SGCD: variants seen among roughly 807,000 people sequenced by gnomAD.
SGCD encodes the protein delta-sarcoglycan.
SGCD carries 18 observed loss-of-function variants against 36.6 expected under a neutral mutation model. The ratio of observed to expected loss-of-function variants is 0.49; its 90% CI spans 0.34 to 0.73. The LOEUF is 0.73. SGCD is among the 30% of genes least tolerant of loss of function. SGCD has a pLI of 0.01. For synonymous variants in SGCD, 133 were observed against 130.6 expected (o/e 1.02, Z -0.12); for missense variants, 387 against 346.7 (o/e 1.12, Z -0.92).
the SGCD span, among the ~76,000 whole-genome samples, chr5:155,778,471 T>TC: frequency 2.0e-5 from 3 of 152,078 alleles, no homozygotes; most frequent in Non-Finnish European, 2.9e-5. Flanking sequence ...GCCACTTTTG[T>TC]CCCCCCATAC....
intron 1 of SGCD, among the ~76,000 whole-genome samples, chr5:156,028,625 A>C (rs891990733): frequency 4.6e-5 from 7 of 152,164 alleles, no homozygotes; most frequent in Admixed American, 2.0e-4. Context: ...AGTGAGTTCT[A>C]TCAGTCAGAA....
At chr5:155,786,132 G>T in the SGCD span, among the ~76,000 whole-genome samples, 25 of 152,280 alleles carry the variant, frequency 1.6e-4, no homozygotes, top group Admixed American at 1.5e-3. Context: ...ACAAAATTCA[G>T]TGCTCCATTT....
chr5:156,553,745 A>G (rs988882266), intron 4 of SGCD, among the ~76,000 whole-genome samples: 2 of 152,126 alleles, frequency 1.3e-5, no homozygotes, highest in Non-Finnish European at 2.9e-5. Flanking sequence ...TTCCCTTAGC[A>G]TAAGGTCTTC....
chr5:155,973,587 ATTTACCT>A (rs1758048171), intron 1 of SGCD, among the ~76,000 whole-genome samples: 1 of 152,192 alleles, frequency 6.6e-6, no homozygotes, highest in Admixed American at 6.5e-5. Context: ...GTGTTTGGCC[ATTTACCT>A]AAGTCTGCAA....
chr5:155,815,086 A>T, the SGCD span, among the ~76,000 whole-genome samples: 2 of 151,996 alleles, frequency 1.3e-5, no homozygotes, highest in African/African-American at 4.8e-5. Context: ...CTTGCTGTAA[A>T]TTGTTTCTCT....
chr5:156,447,482 A>G (rs1753797094), intron 3 of SGCD, among the ~76,000 whole-genome samples: 1 of 152,088 alleles, frequency 6.6e-6, no homozygotes, highest in African/African-American at 2.4e-5. Flanking sequence ...TCTTTCTCCT[A>G]TAATCTTGGT....
At chr5:156,155,066 G>A (rs1012973087) in intron 3 of SGCD, among the ~76,000 whole-genome samples, 1 of 151,674 alleles carries the variant, frequency 6.6e-6, no homozygotes, top group African/African-American at 2.4e-5. Context: ...ATGAGAACAT[G>A]CGACAATAAT....
At chr5:156,498,935 C>CCTGTAT (rs149269957) in intron 3 of SGCD, among the ~76,000 whole-genome samples, 1 of 149,350 alleles carries the variant, frequency 6.7e-6, no homozygotes, top group African/African-American at 2.5e-5. Context: ...ATGTGTGCTA[C>CCTGTAT]GTGTGTGTGT....
At chr5:156,524,186 A>C (rs1237425599) in intron 4 of SGCD, among the ~76,000 whole-genome samples, 1 of 87,438 alleles carries the variant, frequency 1.1e-5, no homozygotes, top group East Asian at 2.8e-4. Context: ...AGGTCTTACT[A>C]TATATATATA....
chr5:155,790,826 C>T, the SGCD span, among the ~76,000 whole-genome samples: 9 of 152,240 alleles, frequency 5.9e-5, no homozygotes, highest in Admixed American at 5.2e-4. Context: ...TTATAGTACT[C>T]TAAGTAGTAT....
At chr5:156,709,829 C>A (rs1051726920) in intron 7 of SGCD, among the ~76,000 whole-genome samples, 5 of 24,816 alleles carry the variant, frequency 2.0e-4, no homozygotes, top group Non-Finnish European at 3.2e-4. Context: ...TTCCTGCCGC[C>A]CCCTCCCCCC....
intron 6 of SGCD, among the ~76,000 whole-genome samples, chr5:156,603,531 C>T (rs1018269101): frequency 6.6e-6 from 1 of 151,956 alleles, no homozygotes; most frequent in Non-Finnish European, 1.5e-5. Context: ...AATCATTTTA[C>T]TTTTTCGATA....
chr5:156,623,615 G>A (rs1762336632), intron 6 of SGCD, among the ~76,000 whole-genome samples: 2 of 152,190 alleles, frequency 1.3e-5, no homozygotes, highest in Non-Finnish European at 1.5e-5. Context: ...GTTGCTTGAT[G>A]TGAGCTGATC....
the SGCD span, among the ~76,000 whole-genome samples, chr5:155,751,811 G>A: frequency 1.4e-4 from 22 of 151,860 alleles, no homozygotes; most frequent in African/African-American, 5.1e-4. Flanking sequence ...CTCATGTGGT[G>A]CCATTTTTAA....
At chr5:156,151,197 C>T (rs552169905) in intron 3 of SGCD, among the ~76,000 whole-genome samples, 1 of 151,626 alleles carries the variant, frequency 6.6e-6, no homozygotes, top group African/African-American at 2.4e-5. Context: ...TCTTTCCTAT[C>T]TCCATTCTTT....
At chr5:155,938,714 C>A (rs966862430) in intron 1 of SGCD, among the ~76,000 whole-genome samples, 2 of 152,192 alleles carry the variant, frequency 1.3e-5, no homozygotes, top group Non-Finnish European at 2.9e-5. Context: ...AATAGTTTTT[C>A]ATCCCCTGTG....
chr5:156,433,704 G>T (rs1408590177), intron 3 of SGCD, among the ~76,000 whole-genome samples: 2 of 152,088 alleles, frequency 1.3e-5, no homozygotes, highest in Non-Finnish European at 2.9e-5. Flanking sequence ...CTTTTATCAG[G>T]GCAGAAAGCT....
intron 3 of SGCD, among the ~76,000 whole-genome samples, chr5:156,383,262 G>GGGA (rs1771080987): frequency 6.6e-6 from 1 of 152,130 alleles, no homozygotes; most frequent in Non-Finnish European, 1.5e-5. Context: ...CCAGCACTTT[G>GGGA]GGAGGCCGAG....
chr5:156,471,950 A>G (rs1205569567), intron 3 of SGCD, among the ~76,000 whole-genome samples: 1 of 148,994 alleles, frequency 6.7e-6, no homozygotes, highest in Non-Finnish European at 1.5e-5. Context: ...TAAAAGGGCA[A>G]AAGACTTAAA....
Sources: gnomAD v4.1 joint callset for allele counts (sites outside exome capture counted in the v4.1 genomes callset) on GRCh38, gnomAD v4.1.1 for gene constraint, MANE v1.5 for transcripts, NCBI Gene and HGNC (gene_info 2026-07-23, HGNC 2026-07-21) for gene names.